PPARGC1A: variants seen among roughly 807,000 people sequenced by gnomAD.
PPARGC1A encodes the protein peroxisome proliferator-activated receptor gamma coactivator 1-alpha.
In PPARGC1A, 25 loss-of-function variants were observed where a neutral mutation model predicts 88.7. The observed-to-expected ratio is 0.28, with a 90% confidence interval of 0.21 to 0.39. PPARGC1A has a LOEUF of 0.39. Among genes scored for constraint, PPARGC1A ranks in the 10% least tolerant of loss-of-function variants. The pLI, the probability that PPARGC1A is intolerant of heterozygous loss-of-function variation, is 1.00. For missense variants in PPARGC1A, 880 were observed against 968.7 expected, an observed-to-expected ratio of 0.91 and a Z score of 1.22; for synonymous variants, 363 against 355.6, an observed-to-expected ratio of 1.02 and a Z score of -0.24.
At chr4:24,150,766 G>T in the PPARGC1A span, among the ~76,000 whole-genome samples, 2 of 152,068 alleles carry the variant, frequency 1.3e-5, no homozygotes, top group Non-Finnish European at 2.9e-5. Flanking sequence ...ACCCAAGGTT[G>T]TACAACAAAA....
the PPARGC1A span, among the ~76,000 whole-genome samples, chr4:24,110,506 GATCAACAGGAAAATA>G: frequency 4.6e-5 from 7 of 152,220 alleles, no homozygotes; most frequent in African/African-American, 1.7e-4. Flanking sequence ...ATCACCAAAT[GATCAACAGGAAAATA>G]ATCAACAGGA....
chr4:23,856,893 A>G (rs1176171697), intron 2 of PPARGC1A, among the ~76,000 whole-genome samples: 6 of 151,756 alleles, frequency 4.0e-5, no homozygotes, highest in Non-Finnish European at 7.4e-5. Flanking sequence ...ATGCTTGTGC[A>G]GTTTTGTTCC....
chr4:23,799,482 G>A (rs905880562), intron 12 of PPARGC1A, among the ~76,000 whole-genome samples: 91 of 152,312 alleles, frequency 6.0e-4, no homozygotes, highest in African/African-American at 2.1e-3. Context: ...GCAGTGGTAA[G>A]TCAGATTTCA....
the PPARGC1A span, among the ~76,000 whole-genome samples, chr4:23,946,829 TACAC>T: frequency 2.7e-5 from 4 of 150,138 alleles, no homozygotes; most frequent in East Asian, 3.9e-4. Flanking sequence ...CACACACACA[TACAC>T]ACACACACAC....
the PPARGC1A span, among the ~76,000 whole-genome samples, chr4:24,132,064 C>T: frequency 1.3e-5 from 2 of 152,142 alleles, no homozygotes; most frequent in Non-Finnish European, 2.9e-5. Flanking sequence ...TTCCTGAGTG[C>T]GAGGAAGACA....
the PPARGC1A span, among the ~76,000 whole-genome samples, chr4:24,011,263 G>A: frequency 6.6e-6 from 1 of 152,118 alleles, no homozygotes; most frequent in Admixed American, 6.5e-5. Context: ...AAAGGCACCT[G>A]CGTATGGACT....
At chr4:23,938,233 G>C in the PPARGC1A span, among the ~76,000 whole-genome samples, 1 of 152,076 alleles carries the variant, frequency 6.6e-6, no homozygotes, top group African/African-American at 2.4e-5. Flanking sequence ...GCATCTTTGG[G>C]TATCTTGAGT....
the PPARGC1A span, among the ~76,000 whole-genome samples, chr4:23,990,075 TTA>T: frequency 1.6e-3 from 186 of 115,328 alleles, no homozygotes; most frequent in Non-Finnish European, 2.7e-3. Context: ...TAATTATATA[TTA>T]TATATAATAT....
chr4:23,844,503 TATA>T (rs58017066), intron 2 of PPARGC1A, among the ~76,000 whole-genome samples: 71,810 of 115,992 alleles, frequency 0.62, 22,293 homozygotes, highest in Admixed American at 0.69. Flanking sequence ...TAATATATAA[TATA>T]ATAATATAAT....
the PPARGC1A span, among the ~76,000 whole-genome samples, chr4:24,331,371 C>T: frequency 1.3e-5 from 2 of 152,132 alleles, no homozygotes; most frequent in Non-Finnish European, 2.9e-5. Flanking sequence ...TCCTGACCAC[C>T]CTGTCTAAAG....
chr4:24,468,670 G>A, the PPARGC1A span, among the ~76,000 whole-genome samples: 3 of 152,006 alleles, frequency 2.0e-5, no homozygotes, highest in Non-Finnish European at 4.4e-5. Flanking sequence ...TTTGTGGCTG[G>A]GTTTTTGTTG....
chr4:23,826,739 C>T (rs555559537), intron 5 of PPARGC1A, among the ~76,000 whole-genome samples: 1 of 151,962 alleles, frequency 6.6e-6, no homozygotes, highest in Non-Finnish European at 1.5e-5. Flanking sequence ...AGGTTTTGTT[C>T]TGGGGTGAGC....
the PPARGC1A span, among the ~76,000 whole-genome samples, chr4:24,254,103 G>C: frequency 6.6e-6 from 1 of 152,112 alleles, no homozygotes; most frequent in Non-Finnish European, 1.5e-5. Flanking sequence ...TCAAAGATTT[G>C]TCACATTCAG....
the PPARGC1A span, among the ~76,000 whole-genome samples, chr4:24,213,481 A>T: frequency 6.6e-6 from 1 of 151,684 alleles, no homozygotes; most frequent in South Asian, 2.1e-4. Context: ...TTTTCCTTTA[A>T]CTCTCACACC....
chr4:23,806,761 T>G lies in PPARGC1A; in HGVS notation c.2020-4416A>C, dbSNP rs146813064. 3.9e-4 allele frequency among the ~76,000 whole-genome samples: 59 copies of G among 152,294 alleles called. No individual in the cohort carries two copies. The East Asian group carries it at 9.8e-3, about 25-fold the overall frequency. On this transcript the variant is annotated intron_variant, in intron 10 of 12. Coordinates refer to ENST00000264867, the MANE Select transcript of PPARGC1A (RefSeq NM_013261.5). ...ACTGACTTCACATTACTAAAATCTT[T>G]ATCAAAAAGAGTCTAGAGCTTCCCA...
chr4:24,243,934 A>T, the PPARGC1A span, among the ~76,000 whole-genome samples: 1 of 152,354 alleles, frequency 6.6e-6, no homozygotes, highest in South Asian at 2.1e-4. Context: ...CTAAAGCAAA[A>T]GACACAGGAT....
the PPARGC1A span, among the ~76,000 whole-genome samples, chr4:24,273,979 A>T: frequency 6.6e-6 from 1 of 151,532 alleles, no homozygotes; most frequent in Admixed American, 6.6e-5. Flanking sequence ...ACCTCAGGTG[A>T]TCCACCGCCT....
At chr4:24,240,209 T>C in the PPARGC1A span, among the ~76,000 whole-genome samples, 2 of 152,304 alleles carry the variant, frequency 1.3e-5, no homozygotes, top group African/African-American at 4.8e-5. Context: ...TTGGAAGAAC[T>C]AGAAGCCAAA....
At chr4:24,084,823 A>C in the PPARGC1A span, among the ~76,000 whole-genome samples, 4 of 152,198 alleles carry the variant, frequency 2.6e-5, no homozygotes, top group Non-Finnish European at 5.9e-5. Context: ...TATAAGAAAA[A>C]GGGTCTTCTT....
Sources: gnomAD v4.1 joint callset for allele counts (sites outside exome capture counted in the v4.1 genomes callset) on GRCh38, gnomAD v4.1.1 for gene constraint, MANE v1.5 for transcripts, NCBI Gene and HGNC (gene_info 2026-07-23, HGNC 2026-07-21) for gene names.